PFAS: variants seen among roughly 807,000 people sequenced by gnomAD.
PFAS encodes phosphoribosylformylglycinamidine synthase, also known as FGAM synthase.
PFAS carries 97 observed loss-of-function variants against 140.6 expected under a neutral mutation model. The ratio of observed to expected loss-of-function variants is 0.69; its 90% CI spans 0.59 to 0.82. The LOEUF is 0.82. Among genes scored for constraint, PFAS ranks in the 40% least tolerant of loss-of-function variants. The pLI, the probability that PFAS is intolerant of heterozygous loss-of-function variation, is 0.00. For missense variants in PFAS, 1,656 were observed against 1,780.2 expected (o/e 0.93, Z 1.26); for synonymous variants, 679 against 718.8 (o/e 0.94, Z 0.88).
chr17:8,250,616 C>T (rs1989112828), intron 1 of PFAS, among the ~76,000 whole-genome samples: 1 of 152,034 alleles, frequency 6.6e-6, no homozygotes. Flanking sequence ...GGCAGTGGGA[C>T]CAGAAATTGG....
chr17:8,255,992 C>G, intron 6 of PFAS, 82 bp downstream of exon 6: 2 of 1,136,610 alleles, frequency 1.8e-6, no homozygotes, highest in Non-Finnish European at 2.6e-6. Context: ...ATGTTCCTCC[C>G]TTGGCTTAGG....
intron 26 of PFAS, among the ~76,000 whole-genome samples, chr17:8,268,071 T>G (rs1384414375): frequency 7.0e-6 from 1 of 143,128 alleles, no homozygotes; most frequent in South Asian, 2.2e-4. Context: ...TATATATATG[T>G]ATTTTTTGAG....
Position 8,256,274 on chromosome 17 carries a change from A to T in PFAS, c.688A>T (p.Ser230Cys), listed in dbSNP as rs746841927. The T allele has an allele frequency of 2.5e-6, 4 of 1,613,844 alleles. No homozygotes were observed. The African/African-American group carries it at 5.3e-5, about 22-fold the overall frequency. The change falls in exon 7 of 28, where the codon AGC becomes TGC. Residue 230 changes from serine to cysteine, a missense_variant. Physicochemically the swap from Ser to Cys is moderately radical, Grantham distance 112. This residue lies in a region of PFAS where 773 missense variants were observed against 757.3 expected (regional missense o/e 1.02). Coordinates refer to ENST00000314666, the MANE Select transcript of PFAS (RefSeq NM_012393.3). ...FDLAQSNSEHSRHWFFKGQLH... is the reference protein window; with the variant it reads ...FDLAQSNSEHCRHWFFKGQLH... ...CTGCATCGCCCCCTGCAGCGAGCACAGCCGACACTGGTTCTTCAAGGGCCA... is the reference window on the plus strand; with the variant it reads ...CTGCATCGCCCCCTGCAGCGAGCACTGCCGACACTGGTTCTTCAAGGGCCA...
upstream of PFAS, chr17:8,248,073 C>T (rs866509359): frequency 2.3e-6 from 2 of 853,002 alleles, no homozygotes; most frequent in Middle Eastern, 3.6e-4. Flanking sequence ...GGGGCAGGTG[C>T]TCGCTTGGGG....
In PFAS at chr17:8,263,857, A is replaced by G. The variant is rs370529757; in HGVS notation, c.1712A>G (p.Asn571Ser). Residue 571 changes from asparagine to serine, a missense_variant, in exon 15 of 28, where the codon AAC becomes AGC. By Grantham distance (46) the Asn-to-Ser change is conservative (BLOSUM62 1). This residue lies in a region of PFAS where 773 missense variants were observed against 757.3 expected (regional missense o/e 1.02). Coordinates refer to ENST00000314666, the MANE Select transcript of PFAS (RefSeq NM_012393.3). ...AATGCTCTTCTGCTGAGGTCCCCCAACCGGGACTTCCTGACTCATGTCAGT... is the reference window on the plus strand; with the variant it reads ...AATGCTCTTCTGCTGAGGTCCCCCAGCCGGGACTTCCTGACTCATGTCAGT... ...ESNALLLRSPNRDFLTHVSAR... is the reference protein window; with the variant it reads ...ESNALLLRSPSRDFLTHVSAR... 6.2e-6 allele frequency: 10 copies of G among 1,613,986 alleles called. No homozygotes were observed. The highest frequency in any genetic ancestry group is 2.2e-5 in the East Asian group (1 of 44,886).
At chr17:8,256,762 T>C (rs1989383836) in intron 8 of PFAS, 73 bp from the exon 9 acceptor site, 3 of 1,553,452 alleles carry the variant, frequency 1.9e-6, no homozygotes. Context: ...TTGTCCTTAT[T>C]TTCAGTGGGG....
intron 12 of PFAS, 49 bp downstream of exon 12, chr17:8,263,042 C>T: frequency 6.2e-7 from 1 of 1,610,170 alleles, no homozygotes; most frequent in East Asian, 2.2e-5. Context: ...AACCGGGCCC[C>T]AGGCATAGGG....
chr17:8,267,622 C>A lies in PFAS; in HGVS notation c.3339C>A (p.Phe1113Leu). The change falls in exon 26 of 28, where the codon TTC becomes TTA. Residue 1113 changes from phenylalanine to leucine, a missense_variant. By Grantham distance (22) the Phe-to-Leu change is conservative. Around this residue, in one of 2 missense-constraint regions of PFAS, gnomAD observed 883 missense variants for 1,023.0 expected, o/e 0.86. Transcript: ENST00000314666. The surrounding 1 kb of genome is among the most constrained non-coding windows in gnomAD (Gnocchi z 4.9). Reference sequence around the variant, plus strand: ...TGGACACTTTCCGTGGCGTGGCCTTCGTGGGCGGCTTCAGCTATGCAGATG... The same window carrying A: ...TGGACACTTTCCGTGGCGTGGCCTTAGTGGGCGGCTTCAGCTATGCAGATG... ...IGLDTFRGVA[F>L]VGGFSYADVL... 6.2e-7 allele frequency: 1 copy of A among 1,612,624 alleles called. No homozygotes were observed. Among genetic ancestry groups the A allele is most frequent in the Non-Finnish European group, 8.5e-7 (1 of 1,178,694 alleles).
rs1054101498 is a variant in PFAS at position 8,257,658 on chromosome 17, G to A, written c.1076-149G>A. 1.8e-5 allele frequency: 14 copies of A among 779,768 alleles called. No individual in the cohort carries two copies. The African/African-American group carries it at 2.4e-4, about 13-fold the overall frequency. 48.3% of individuals were successfully genotyped at this position (779,768 alleles called of 1,614,324 possible). ...ACCAGTGCCTCACTGCAGGCTCTAG[G>A]GCTTCCTAAAGCAGGACTTCCTGAA... On this transcript the variant is annotated intron_variant, in intron 9 of 27. Coordinates refer to ENST00000314666, the MANE Select transcript of PFAS (RefSeq NM_012393.3).
intron 13 of PFAS, 118 bp downstream of exon 13, chr17:8,263,383 G>T: frequency 2.5e-6 from 3 of 1,181,060 alleles, no homozygotes; most frequent in Non-Finnish European, 3.7e-6. Flanking sequence ...CATTCTCCAT[G>T]CTCTGTACAT....
chr17:8,268,402 G>A, intron 26 of PFAS, 131 bp from the exon 27 acceptor site: 1 of 636,584 alleles, frequency 1.6e-6, no homozygotes. Context: ...AGAAGGAAAG[G>A]AAGGAAGGAG....
chr17:8,266,707 C>T lies in PFAS; in HGVS notation c.2822-46C>T, dbSNP rs201536716. On this transcript the variant is annotated intron_variant, in intron 22 of 27. Coordinates refer to ENST00000314666, the MANE Select transcript of PFAS (RefSeq NM_012393.3). This position sits in a 1 kb window ranked among gnomAD's most constrained non-coding sequence, Gnocchi z 5.0. ...ATTTCCCTGATCCCGCCCCAACTCC[C>T]TTGGCCCTTCTTGCATCCCCCTGAC... is the stretch of plus-strand genomic sequence containing the variant. 1.2e-5 allele frequency: 18 copies of T among 1,564,312 alleles called. No individual in the cohort carries two copies. The East Asian group carries it at 2.5e-4, about 21-fold the overall frequency.
chr17:8,265,074 C>T lies in PFAS; in HGVS notation c.2229C>T (p.Ala743=), dbSNP rs375576847. Residue 743 remains alanine (A), a synonymous_variant, in exon 18 of 28, where the codon GCC becomes GCT. Coordinates refer to ENST00000314666, the MANE Select transcript of PFAS (RefSeq NM_012393.3). The part of the protein sequence containing the change: ...LLDPKVAARL[A]VAEALTNLVF... ...ACCCAAAAGTCGCCGCCCGGCTGGC[C>T]GTGGCCGAAGCCCTCACCAACCTGG... The T allele has an allele frequency of 9.2e-5, 149 of 1,613,302 alleles. No homozygotes were observed. The highest frequency in any genetic ancestry group is 1.5e-4 in the Admixed American group (9 of 60,004).
At chr17:8,255,176 C>T (rs770441937) in intron 4 of PFAS, 44 bp downstream of exon 4, 4 of 1,369,010 alleles carry the variant, frequency 2.9e-6, no homozygotes, top group Non-Finnish European at 4.2e-6. Flanking sequence ...GCCAGAGATA[C>T]AAGATTAGAT....
chr17:8,247,819 G>A (rs1296073273), upstream of PFAS: 4 of 625,304 alleles, frequency 6.4e-6, no homozygotes, highest in East Asian at 1.1e-4. Flanking sequence ...CGGGCGCCGC[G>A]TGAATGAGGG....
chr17:8,265,676 G>A (rs1056882030), intron 20 of PFAS, 37 bp downstream of exon 20: 6 of 1,580,678 alleles, frequency 3.8e-6, no homozygotes, highest in African/African-American at 1.3e-5. Context: ...ATCTTTGCTT[G>A]TGTGATCTTT....
chr17:8,258,465 A>T (rs1567638976), intron 11 of PFAS, among the ~76,000 whole-genome samples: 1 of 152,212 alleles, frequency 6.6e-6, no homozygotes, highest in Non-Finnish European at 1.5e-5. Context: ...TGGCAATATT[A>T]TCCAGGAATT....
chr17:8,266,136 A>G lies in PFAS; in HGVS notation c.2702-98A>G. ...GACGATGTACCCCAGATCCCCTGAC[A>G]TTCTGACACACACTCTTGATGGACT... On this transcript the variant is annotated intron_variant, in intron 21 of 27. Coordinates refer to ENST00000314666, the MANE Select transcript of PFAS (RefSeq NM_012393.3). This position sits in a 1 kb window ranked among gnomAD's most constrained non-coding sequence, Gnocchi z 5.0. 6.4e-7 allele frequency: 1 copy of G among 1,560,676 alleles called. No homozygotes were observed. The highest frequency in any genetic ancestry group is 8.7e-7 in the Non-Finnish European group (1 of 1,146,772).
rs1216924819 is a variant in PFAS, at chr17:8,267,546, C to T, written c.3268-5C>T. The stretch of plus-strand genomic sequence containing the variant: ...CACCCACACTCCCCCTCCCCACCTT[C>T]GCAGGTATGGGACGTGACCATGCAG... On this transcript the variant is annotated splice_polypyrimidine_tract_variant and splice_region_variant and intron_variant, in intron 25 of 27. Coordinates refer to ENST00000314666, the MANE Select transcript of PFAS (RefSeq NM_012393.3). The surrounding 1 kb of genome is among the most constrained non-coding windows in gnomAD (Gnocchi z 4.9). The T allele has an allele frequency of 2.5e-6, 4 of 1,598,348 alleles. No individual in the cohort carries two copies. The highest frequency in any genetic ancestry group is 3.3e-5 in the Admixed American group (2 of 59,954).
Sources: allele counts gnomAD v4.1 joint callset (sites outside exome capture counted in the v4.1 genomes callset), GRCh38; gene constraint gnomAD v4.1.1; regional missense constraint gnomAD v4.1.1; non-coding constraint Gnocchi (gnomAD v3.1); transcripts MANE v1.5; gene names NCBI Gene and HGNC (gene_info 2026-07-23, HGNC 2026-07-21).